Variants in ANKRD50 observed in about 807,000 individuals in gnomAD.
ANKRD50 encodes ankyrin repeat domain 50, also known as ankyrin repeat domain-containing protein 50.
In ANKRD50, 40 loss-of-function variants were observed where a neutral mutation model predicts 112.0. The ratio of observed to expected loss-of-function variants is 0.36; its 90% CI spans 0.28 to 0.46. The LOEUF (loss-of-function observed/expected upper bound fraction) is 0.46. Ranked by LOEUF, ANKRD50 falls within the 20% of genes least tolerant of loss-of-function variation. The pLI, the probability that ANKRD50 is intolerant of heterozygous loss-of-function variation, is 1.00. For synonymous variants in ANKRD50, 613 were observed against 619.1 expected (o/e 0.99, Z 0.15); for missense variants, 1,487 against 1,701.7 (o/e 0.87, Z 2.22).
At position 124,665,366 on chromosome 4, in the gene ANKRD50, A is replaced by C. The variant is rs2110503463; in HGVS notation, c.*2152T>G. 6.6e-6 allele frequency: 1 copy of C among 152,508 alleles called. No individual in the cohort carries two copies. The highest frequency in any genetic ancestry group is 1.5e-5 in the Non-Finnish European group (1 of 67,872). The allele number at this position is 152,508 out of a possible 1,614,324, so 9.4% of individuals were successfully genotyped here. On this transcript the variant is annotated 3_prime_UTR_variant, in exon 5 of 5. Transcript: ENST00000504087. ...AACAGTTAGCTCTTTGAAAAACATAAATCCCTTATGCAATGTCATATCTTC... is the reference window on the plus strand; with the variant it reads ...AACAGTTAGCTCTTTGAAAAACATACATCCCTTATGCAATGTCATATCTTC...
chr4:124,675,735 AG>A (rs1730758616), intron 3 of ANKRD50, among the ~76,000 whole-genome samples: 1 of 151,756 alleles, frequency 6.6e-6, no homozygotes, highest in Non-Finnish European at 1.5e-5. Flanking sequence ...AAAATCTTGG[AG>A]GGTTAATTTT....
In ANKRD50 at chr4:124,678,875, C is replaced by T; in HGVS notation, c.543G>A (p.Lys181=). The T allele has an allele frequency of 6.2e-7, 1 of 1,613,342 alleles. No individual in the cohort carries two copies. The highest frequency in any genetic ancestry group is 1.1e-5 in the South Asian group (1 of 91,060). The change falls in exon 3 of 5, where the codon AAG becomes AAA. Residue 181 remains lysine (K), a synonymous_variant. Coordinates refer to ENST00000504087, the MANE Select transcript of ANKRD50 (RefSeq NM_020337.3). ...GCAGGTATAGGCTTTGCTGGGGAGG[C>T]TTCATTCCCAGAAGAGGGAGTAGAA... is the stretch of plus-strand genomic sequence containing the variant. ...RCVLLPLLGM[K]PPQQSLYLLV...
chr4:124,690,640 A>T (rs926623609), intron 2 of ANKRD50, among the ~76,000 whole-genome samples: 11 of 152,208 alleles, frequency 7.2e-5, no homozygotes, highest in Admixed American at 3.3e-4. Flanking sequence ...AAAAATTTTT[A>T]AAAAGACCAT....
chr4:124,703,317 T>G (rs377075491), intron 2 of ANKRD50, among the ~76,000 whole-genome samples: 1 of 152,230 alleles, frequency 6.6e-6, no homozygotes, highest in South Asian at 2.1e-4. Context: ...AACGTTAGAT[T>G]TCAGCAAGCT....
chr4:124,677,657 A>C (rs1020449188), intron 3 of ANKRD50, among the ~76,000 whole-genome samples: 1 of 151,984 alleles, frequency 6.6e-6, no homozygotes, highest in Non-Finnish European at 1.5e-5. Flanking sequence ...TTCATAGATA[A>C]GGAAACAGAG....
In ANKRD50 at chr4:124,671,947, C is replaced by G; in HGVS notation, c.1330G>C (p.Ala444Pro). The G allele has an allele frequency of 6.2e-7, 1 of 1,613,852 alleles. No homozygotes were observed. Among genetic ancestry groups the G allele is most frequent in the Non-Finnish European group, 8.5e-7 (1 of 1,179,870 alleles). The change falls in exon 4 of 5, where the codon GCC becomes CCC. Residue 444 changes from alanine to proline, a missense_variant. Around this residue, in one of 2 missense-constraint regions of ANKRD50, gnomAD observed 1,046 missense variants for 1,269.5 expected, o/e 0.82. Transcript: ENST00000504087. ...GCTTCCAATGGTGTTAAATTCTTGG[C>G]TTGACAGGTATAACTCATAGCCAAC... ...RMLAMSYTCQ[A>P]KNLTPLEAQE...
chr4:124,707,383 T>C (rs923947612), intron 2 of ANKRD50, among the ~76,000 whole-genome samples: 3 of 152,100 alleles, frequency 2.0e-5, no homozygotes, highest in Non-Finnish European at 4.4e-5. Flanking sequence ...TCTTGAATTA[T>C]TTGTCCAAAA....
chr4:124,686,364 G>A (rs1177124959), intron 2 of ANKRD50, among the ~76,000 whole-genome samples: 2 of 152,150 alleles, frequency 1.3e-5, no homozygotes, highest in Non-Finnish European at 2.9e-5. Context: ...ATTACAGACA[G>A]AATGTGGAGC....
chr4:124,677,307 T>G lies in ANKRD50; in HGVS notation c.742+1369A>C, dbSNP rs1404356469. On this transcript the variant is annotated intron_variant, in intron 3 of 4. Transcript: ENST00000504087. ...ATTTATAATGTAAACTTTCAGCACA[T>G]GTGCACAAGAATACATGAACAAATA... 2.0e-5 allele frequency among the ~76,000 whole-genome samples: 3 copies of G among 151,808 alleles called. No homozygotes were observed. In the East Asian group the frequency reaches 5.8e-4, roughly 29 times the overall value.
intron 4 of ANKRD50, among the ~76,000 whole-genome samples, chr4:124,668,395 C>T (rs540674620): frequency 6.6e-6 from 1 of 152,096 alleles, no homozygotes; most frequent in Admixed American, 6.6e-5. Flanking sequence ...TTTTTGACTT[C>T]TTTCTGAGTG....
At chr4:124,704,458 G>A (rs554364791) in intron 2 of ANKRD50, among the ~76,000 whole-genome samples, 183 of 152,250 alleles carry the variant, frequency 1.2e-3, no homozygotes, top group African/African-American at 4.4e-3. Flanking sequence ...AAAACTATCT[G>A]GACTAATGCC....
chr4:124,686,653 C>T (rs1725013885), intron 2 of ANKRD50, among the ~76,000 whole-genome samples: 1 of 152,134 alleles, frequency 6.6e-6, no homozygotes, highest in African/African-American at 2.4e-5. Context: ...GACCTCACCC[C>T]AGTCTGAGGG....
At chr4:124,704,173 T>C (rs1350027358) in intron 2 of ANKRD50, among the ~76,000 whole-genome samples, 2 of 152,236 alleles carry the variant, frequency 1.3e-5, no homozygotes, top group Non-Finnish European at 2.9e-5. Context: ...TATGAAATTA[T>C]ATTGATTCAC....
chr4:124,695,260 A>AT (rs1725228122), intron 2 of ANKRD50, among the ~76,000 whole-genome samples: 1 of 152,158 alleles, frequency 6.6e-6, no homozygotes, highest in South Asian at 2.1e-4. Context: ...ATTTCAGAGG[A>AT]TAGGAGCTCT....
At chr4:124,675,977 T>C (rs143820206) in intron 3 of ANKRD50, among the ~76,000 whole-genome samples, 155 of 151,886 alleles carry the variant, frequency 1.0e-3, no homozygotes, top group African/African-American at 3.7e-3. Flanking sequence ...TCCTCAGATA[T>C]GAGTAGGTGA....
intron 2 of ANKRD50, among the ~76,000 whole-genome samples, chr4:124,688,165 T>A (rs1014255166): frequency 3.9e-5 from 6 of 152,130 alleles, no homozygotes; most frequent in Non-Finnish European, 5.9e-5. Flanking sequence ...TATCACTCAG[T>A]CATAAGAGAA....
chr4:124,692,026 AGTTT>A (rs1725149628), intron 2 of ANKRD50, among the ~76,000 whole-genome samples: 1 of 152,234 alleles, frequency 6.6e-6, no homozygotes. Flanking sequence ...CACCACACAC[AGTTT>A]ATTTGTGTTC....
intron 2 of ANKRD50, among the ~76,000 whole-genome samples, chr4:124,692,658 C>A (rs1342365183): frequency 6.6e-6 from 1 of 152,104 alleles, no homozygotes; most frequent in African/African-American, 2.4e-5. Flanking sequence ...CCCCAGAGAG[C>A]TAGCTCATCC....
At chr4:124,691,095 G>A (rs1725125346) in intron 2 of ANKRD50, among the ~76,000 whole-genome samples, 1 of 152,186 alleles carries the variant, frequency 6.6e-6, no homozygotes, top group Non-Finnish European at 1.5e-5. Context: ...AATAGAGGAA[G>A]AGGCTCTATG....
Sources: gnomAD v4.1 joint callset for allele counts (sites outside exome capture counted in the v4.1 genomes callset) on GRCh38, gnomAD v4.1.1 for gene constraint, gnomAD v4.1.1 regional missense constraint, MANE v1.5 for transcripts, NCBI Gene and HGNC (gene_info 2026-07-23, HGNC 2026-07-21) for gene names.